Variants in DGLUCY observed in about 807,000 individuals in gnomAD.
DGLUCY encodes the protein D-glutamate cyclase, mitochondrial.
In DGLUCY, 58 loss-of-function variants were observed where a neutral mutation model predicts 58.5. The observed-to-expected ratio is 0.99, with a 90% CI of 0.80 to 1.23. The LOEUF is 1.23. DGLUCY is among the 50% of genes most tolerant of loss of function. DGLUCY has a pLI of 0.00. For synonymous variants in DGLUCY, 325 were observed against 314.1 expected (o/e 1.03, Z -0.37); for missense variants, 779 against 784.7 (o/e 0.99, Z 0.09).
intron 13 of DGLUCY, among the ~76,000 whole-genome samples, chr14:91,218,909 G>A (rs1159216196): frequency 1.3e-5 from 2 of 151,940 alleles, no homozygotes; most frequent in East Asian, 3.9e-4. Context: ...GCCGGGCATG[G>A]TGGCTCTCAC....
chr14:91,121,797 G>A (rs2140144139), intron 1 of DGLUCY, among the ~76,000 whole-genome samples: 1 of 152,108 alleles, frequency 6.6e-6, no homozygotes, highest in East Asian at 1.9e-4. Context: ...GATAGAGCAG[G>A]GGGAAAAAAA....
chr14:91,123,927 CTT>C (rs113927504), intron 1 of DGLUCY, among the ~76,000 whole-genome samples: 23 of 131,698 alleles, frequency 1.7e-4, no homozygotes, highest in Non-Finnish European at 1.3e-4. Context: ...AATAATCAGA[CTT>C]TTTTTTTTTT....
chr14:91,157,111 A>ATGGG (rs1227013576), intron 1 of DGLUCY, among the ~76,000 whole-genome samples: 3,376 of 132,012 alleles, frequency 0.026, 149 homozygotes, highest in African/African-American at 0.098. Context: ...GGATGGATGG[A>ATGGG]TGGATGGGTG....
At chr14:91,099,076 G>C (rs980363973) in intron 1 of DGLUCY, among the ~76,000 whole-genome samples, 2 of 152,220 alleles carry the variant, frequency 1.3e-5, no homozygotes, top group African/African-American at 4.8e-5. Context: ...GAGAATGAGA[G>C]AAGATGAAGA....
At chr14:91,218,603 A>T (rs1490859242) in intron 13 of DGLUCY, among the ~76,000 whole-genome samples, 9 of 151,894 alleles carry the variant, frequency 5.9e-5, no homozygotes. Flanking sequence ...GGGTTTCACC[A>T]TGTTGGCCAG....
intron 5 of DGLUCY, 33 bp from the exon 6 acceptor site, chr14:91,173,256 A>G (rs1595836183): frequency 1.2e-6 from 2 of 1,602,426 alleles, no homozygotes; most frequent in African/African-American, 1.4e-5. Context: ...ATTTTTTAAC[A>G]TTTTCACTTG....
In DGLUCY at chr14:91,160,336, C is replaced by T. The variant is rs1229947470; in HGVS notation, c.42C>T (p.Ala14=). 16 of 1,611,670 alleles carry T rather than the reference C, an allele frequency of 9.9e-6. No homozygotes were observed. Among genetic ancestry groups the T allele is most frequent in the Admixed American group, 6.7e-5 (4 of 59,794 alleles). ...ACCTGAGGTCCCGCCTTCCCTCTGC[C>T]ATAAGGAGTTTGATTCTACAAAAGA... is the stretch of plus-strand genomic sequence containing the variant. ...TLHLRSRLPS[A]IRSLILQKKP... Residue 14 remains alanine, a synonymous_variant, in exon 3 of 14, where the codon GCC becomes GCT. Transcript: ENST00000256324.
chr14:91,100,840 G>A (rs2044473626), intron 1 of DGLUCY, among the ~76,000 whole-genome samples: 1 of 152,162 alleles, frequency 6.6e-6, no homozygotes, highest in African/African-American at 2.4e-5. Context: ...GGAAGCCGAG[G>A]CAGGTGGATC....
chr14:91,123,729 G>A (rs1476411829), intron 1 of DGLUCY, among the ~76,000 whole-genome samples: 2 of 152,040 alleles, frequency 1.3e-5, no homozygotes, highest in South Asian at 2.1e-4. Context: ...TGAGACTACA[G>A]GTGTGCACCG....
chr14:91,071,376 C>CATTCTT (rs2043916197), intron 1 of DGLUCY, among the ~76,000 whole-genome samples: 1 of 147,522 alleles, frequency 6.8e-6, no homozygotes, highest in Non-Finnish European at 1.5e-5. Context: ...TGTTGGCAGT[C>CATTCTT]ATTCTTGAGC....
chr14:91,181,131 G>A (rs1408980246), intron 7 of DGLUCY, 55 bp from the exon 8 acceptor site: 3 of 1,552,234 alleles, frequency 1.9e-6, no homozygotes, highest in Non-Finnish European at 2.7e-6. Context: ...CTAGATGAGG[G>A]TAGGCTGGAC....
intron 11 of DGLUCY, 21 bp from the exon 12 acceptor site, chr14:91,204,685 C>G: frequency 1.2e-6 from 2 of 1,612,592 alleles, no homozygotes; most frequent in Non-Finnish European, 8.5e-7. Context: ...CGTGCACTGA[C>G]TCAGCTCCCC....
intron 2 of DGLUCY, among the ~76,000 whole-genome samples, chr14:91,157,961 G>GTAA (rs1479642176): frequency 1.3e-5 from 2 of 152,190 alleles, no homozygotes; most frequent in Non-Finnish European, 2.9e-5. Context: ...GCCCTCTAGG[G>GTAA]TAATAATGAG....
chr14:91,166,350 G>C (rs1227911039), intron 3 of DGLUCY, among the ~76,000 whole-genome samples: 1 of 152,144 alleles, frequency 6.6e-6, no homozygotes, highest in Non-Finnish European at 1.5e-5. Flanking sequence ...ACTTTTTTGA[G>C]TGTAGGTAAT....
At chr14:91,161,937 A>G (rs2048020658) in intron 3 of DGLUCY, among the ~76,000 whole-genome samples, 2 of 152,074 alleles carry the variant, frequency 1.3e-5, no homozygotes, top group Non-Finnish European at 2.9e-5. Flanking sequence ...CGAGCAGCGA[A>G]CACCAGCTTA....
upstream of DGLUCY, among the ~76,000 whole-genome samples, chr14:91,103,898 C>T (rs988613597): frequency 6.6e-6 from 1 of 151,746 alleles, no homozygotes; most frequent in Non-Finnish European, 1.5e-5. Flanking sequence ...CCTCCAGCTC[C>T]CACTTCTGCG....
At chr14:91,127,992 C>T (rs2045811160) in intron 1 of DGLUCY, among the ~76,000 whole-genome samples, 1 of 151,170 alleles carries the variant, frequency 6.6e-6, no homozygotes, top group Non-Finnish European at 1.5e-5. Flanking sequence ...TCACTGGGCT[C>T]AACAGGAGAG....
chr14:91,070,445 CT>C (rs1227882847), intron 1 of DGLUCY, among the ~76,000 whole-genome samples: 2 of 152,168 alleles, frequency 1.3e-5, no homozygotes, highest in Admixed American at 6.5e-5. Flanking sequence ...CCTCAAAGTC[CT>C]TCTTCTTCCT....
At chr14:91,081,476 T>C (rs1254929305) in intron 1 of DGLUCY, among the ~76,000 whole-genome samples, 2 of 152,206 alleles carry the variant, frequency 1.3e-5, no homozygotes, top group African/African-American at 4.8e-5. Flanking sequence ...GGTATATTAG[T>C]TTCCTACTGC....
Sources: gnomAD v4.1 joint callset for allele counts (sites outside exome capture counted in the v4.1 genomes callset) on GRCh38, gnomAD v4.1.1 for gene constraint, MANE v1.5 for transcripts, NCBI Gene and HGNC (gene_info 2026-07-23, HGNC 2026-07-21) for gene names.